NGEF: variants seen among roughly 807,000 people sequenced by gnomAD.
NGEF encodes ephexin-1.
NGEF carries 31 observed loss-of-function variants against 80.9 expected under a neutral mutation model. That is an observed-to-expected ratio of 0.38 (90% CI 0.29 to 0.52). The LOEUF (loss-of-function observed/expected upper bound fraction) is 0.52. Among genes scored for constraint, NGEF ranks in the 20% least tolerant of loss-of-function variants. The pLI is 0.84. For missense variants in NGEF, 709 were observed against 926.2 expected, an observed-to-expected ratio of 0.77 and a Z score of 3.04; for synonymous variants, 371 against 370.2, an observed-to-expected ratio of 1.00 and a Z score of -0.03.
intron 3 of NGEF, among the ~76,000 whole-genome samples, chr2:232,954,774 G>A (rs1459592951): frequency 2.6e-5 from 4 of 151,608 alleles, no homozygotes; most frequent in African/African-American, 9.7e-5. Flanking sequence ...TCTGAGGCAG[G>A]AAGCATGAAG....
intron 4 of NGEF, among the ~76,000 whole-genome samples, chr2:232,923,509 G>C (rs1692990967): frequency 6.6e-6 from 1 of 152,126 alleles, no homozygotes. Flanking sequence ...GCCGAGGCAG[G>C]CAGATCACTT....
chr2:232,993,106 AAT>A (rs202123892), intron 1 of NGEF, among the ~76,000 whole-genome samples: 50,573 of 97,164 alleles, frequency 0.52, 14,102 homozygotes, highest in East Asian at 0.92. Flanking sequence ...TAAATAAATA[AAT>A]ATATATATAT....
chr2:232,931,255 G>T (rs1693211440), intron 3 of NGEF, among the ~76,000 whole-genome samples: 1 of 152,184 alleles, frequency 6.6e-6, no homozygotes, highest in Non-Finnish European at 1.5e-5. Flanking sequence ...CACTGGTGTG[G>T]CACTGTCACC....
At chr2:232,914,368 C>T (rs184633578) in intron 5 of NGEF, among the ~76,000 whole-genome samples, 4 of 152,306 alleles carry the variant, frequency 2.6e-5, no homozygotes, top group African/African-American at 4.8e-5. Flanking sequence ...TTCAAATGCT[C>T]GGTAGCCACA....
chr2:232,995,672 A>T (rs537431767), intron 1 of NGEF, among the ~76,000 whole-genome samples: 57 of 117,018 alleles, frequency 4.9e-4, no homozygotes, highest in African/African-American at 1.6e-3. Context: ...TAGTGTATAT[A>T]TGTATTATAT....
At chr2:232,987,052 T>G (rs1694546172) in intron 1 of NGEF, among the ~76,000 whole-genome samples, 1 of 152,020 alleles carries the variant, frequency 6.6e-6, no homozygotes, top group Non-Finnish European at 1.5e-5. Context: ...AGTCTCACTC[T>G]GTTGCCCAGG....
At chr2:232,923,240 A>G (rs191781642) in intron 4 of NGEF, among the ~76,000 whole-genome samples, 3 of 152,322 alleles carry the variant, frequency 2.0e-5, no homozygotes, top group Non-Finnish European at 4.4e-5. Flanking sequence ...ACTGTGATAC[A>G]TATGCTGAAA....
At chr2:232,923,854 T>C (rs1165200302) in intron 4 of NGEF, among the ~76,000 whole-genome samples, 1 of 152,098 alleles carries the variant, frequency 6.6e-6, no homozygotes, top group African/African-American at 2.4e-5. Flanking sequence ...ATACCCAATG[T>C]GAGAGTTTTA....
chr2:233,007,804 C>T (rs1209008492), intron 1 of NGEF, among the ~76,000 whole-genome samples: 1 of 152,192 alleles, frequency 6.6e-6, no homozygotes, highest in Non-Finnish European at 1.5e-5. Context: ...TTTAGGAATG[C>T]TTCCAAAGAG....
intron 4 of NGEF, among the ~76,000 whole-genome samples, chr2:232,925,295 C>T (rs1250124546): frequency 6.6e-6 from 1 of 152,220 alleles, no homozygotes; most frequent in African/African-American, 2.4e-5. Context: ...CAGGGATCCG[C>T]TTAGCACAGA....
At chr2:232,896,723 CAAAAGTAGGGGTGAGGGT>C (rs1692092860) in intron 5 of NGEF, among the ~76,000 whole-genome samples, 27 of 13,140 alleles carry the variant, frequency 2.1e-3, no homozygotes, top group African/African-American at 9.6e-3. Context: ...GGGGTGAGTG[CAAAAGTAGGGGTGAGGGT>C]GAAGGTAGGG....
chr2:232,992,285 T>G (rs563783804), intron 1 of NGEF, among the ~76,000 whole-genome samples: 29 of 151,956 alleles, frequency 1.9e-4, no homozygotes, highest in African/African-American at 6.8e-4. Context: ...CTGGGCATGG[T>G]GGTAGCTCAT....
At chr2:233,005,523 A>T (rs1695066800) in intron 1 of NGEF, among the ~76,000 whole-genome samples, 1 of 152,220 alleles carries the variant, frequency 6.6e-6, no homozygotes, top group South Asian at 2.1e-4. Flanking sequence ...AGATGGGGAG[A>T]TTATCCCAGA....
Position 232,967,539 on chromosome 2 carries a change from T to G in NGEF, c.383+2675A>C, listed in dbSNP as rs1694088910. On this transcript the variant is annotated intron_variant, in intron 3 of 14. Coordinates refer to ENST00000264051, the MANE Select transcript of NGEF (RefSeq NM_019850.3). ...TAGAAGAGACAGGGTTTTGTCATAT[T>G]GGCCAGGCTAGTCTTGAACTCCTGA... 2.0e-5 allele frequency among the ~76,000 whole-genome samples: 3 copies of G among 152,128 alleles called. No homozygotes were observed. In the South Asian group the frequency reaches 6.2e-4, roughly 31 times the overall value.
chr2:232,938,435 A>G (rs1693370842), intron 3 of NGEF, among the ~76,000 whole-genome samples: 1 of 152,174 alleles, frequency 6.6e-6, no homozygotes, highest in Non-Finnish European at 1.5e-5. Flanking sequence ...TTTATCTGAA[A>G]CTATGGAAAA....
intron 3 of NGEF, among the ~76,000 whole-genome samples, chr2:232,958,096 A>T (rs538885142): frequency 6.6e-6 from 1 of 152,314 alleles, no homozygotes; most frequent in East Asian, 1.9e-4. Flanking sequence ...TGTTTTGCAG[A>T]ACTAGGAGGC....
In NGEF at chr2:232,882,220, C is replaced by T. The variant is rs1205470363; in HGVS notation, c.1803G>A (p.Arg601=). 3 of 1,613,806 alleles carry T rather than the reference C, an allele frequency of 1.9e-6. No individual in the cohort carries two copies. Among genetic ancestry groups the T allele is most frequent in the Non-Finnish European group, 2.5e-6 (3 of 1,179,936 alleles). ...RWMTSLAPNR[R]TKFVSFTSRL... ...GGGATGTGAACGAAACAAACTTGGT[C>T]CTCCTGTTGGGGGCCAGTGAGGTCA... The change falls in exon 13 of 15, where the codon AGG becomes AGA. Residue 601 remains arginine (R), a synonymous_variant. Transcript: ENST00000264051.
Position 232,891,433 on chromosome 2 carries a change from C to T in NGEF, c.1197G>A (p.Lys399=). ...AGGAGGAGAAGGGCAGCCCCCTGCA[C>T]TTGGGGTCGAGCTCTAGCTGCGCGA... ...ELIAQLELDP[K]CRGLPFSSFL... Residue 399 remains lysine, a synonymous_variant, in exon 8 of 15, where the codon AAG becomes AAA. Transcript: ENST00000264051. 1 of 1,613,456 alleles carries T rather than the reference C, an allele frequency of 6.2e-7. No individual in the cohort carries two copies. The highest frequency in any genetic ancestry group is 8.5e-7 in the Non-Finnish European group (1 of 1,179,972).
chr2:232,976,462 C>A (rs1694296596), intron 1 of NGEF, among the ~76,000 whole-genome samples: 1 of 152,116 alleles, frequency 6.6e-6, no homozygotes, highest in African/African-American at 2.4e-5. Flanking sequence ...GCAGAATAGT[C>A]AGGAGGTTGG....
Sources: gnomAD v4.1 joint callset for allele counts (sites outside exome capture counted in the v4.1 genomes callset) on GRCh38, gnomAD v4.1.1 for gene constraint, MANE v1.5 for transcripts, NCBI Gene and HGNC (gene_info 2026-07-23, HGNC 2026-07-21) for gene names.